SYNE1: variants seen among roughly 807,000 people sequenced by gnomAD.
SYNE1 encodes the protein nesprin-1.
In SYNE1, 616 loss-of-function variants were observed where a neutral mutation model predicts 1,111.0. The ratio of observed to expected loss-of-function variants is 0.55; its 90% CI spans 0.52 to 0.59. SYNE1 has a LOEUF of 0.59. Among genes scored for constraint, SYNE1 ranks in the 20% least tolerant of loss-of-function variants. The pLI is 0.00. For synonymous variants in SYNE1, 3,855 were observed against 3,825.8 expected (o/e 1.01, Z -0.28); for missense variants, 10,006 against 10,417.0 (o/e 0.96, Z 1.72).
intron 98 of SYNE1, among the ~76,000 whole-genome samples, chr6:152,269,740 A>G (rs548568404): frequency 6.6e-6 from 1 of 152,356 alleles, no homozygotes; most frequent in East Asian, 1.9e-4. Flanking sequence ...AGGTCCAGAC[A>G]ATGAAAGATT....
At chr6:152,610,783 A>G (rs938364832) in intron 3 of SYNE1, among the ~76,000 whole-genome samples, 9 of 152,220 alleles carry the variant, frequency 5.9e-5, no homozygotes, top group Non-Finnish European at 1.0e-4. Context: ...CCATCAGACT[A>G]ACAGTGGATC....
intron 128 of SYNE1, 122 bp downstream of exon 128, chr6:152,189,130 C>T (rs934711289): frequency 3.0e-6 from 3 of 1,002,212 alleles, no homozygotes; most frequent in Admixed American, 1.9e-5. Context: ...CCACAGTGTT[C>T]TTCCTTTGTC....
chr6:152,462,086 G>T (rs551878805), intron 20 of SYNE1, among the ~76,000 whole-genome samples: 2 of 117,286 alleles, frequency 1.7e-5, no homozygotes, highest in Admixed American at 7.7e-5. Context: ...AAATTAGACT[G>T]GTTTTCGTTA....
intron 95 of SYNE1, among the ~76,000 whole-genome samples, chr6:152,288,083 T>TTTAAA (rs1305033641): frequency 6.6e-6 from 1 of 152,112 alleles, no homozygotes; most frequent in Non-Finnish European, 1.5e-5. Flanking sequence ...TTGGTTTGAT[T>TTTAAA]TTAAATGCTC....
intron 67 of SYNE1, 36 bp downstream of exon 67, chr6:152,354,623 G>C: frequency 6.2e-7 from 1 of 1,610,080 alleles, no homozygotes; most frequent in South Asian, 1.1e-5. Context: ...GGTAACTGTA[G>C]CTTTGACAAA....
chr6:152,222,161 T>C (rs2080331639), intron 117 of SYNE1, among the ~76,000 whole-genome samples: 1 of 152,220 alleles, frequency 6.6e-6, no homozygotes, highest in Admixed American at 6.5e-5. Context: ...GATGCAGGGA[T>C]AGGGACTGCG....
chr6:152,326,437 T>A lies in SYNE1; in HGVS notation c.15152A>T (p.Glu5051Val). 1.9e-6 allele frequency: 3 copies of A among 1,614,202 alleles called. No homozygotes were observed. Among genetic ancestry groups the A allele is most frequent in the African/African-American group, 1.3e-5 (1 of 75,046 alleles). ...TEDQFHSNLE[E>V]LHSLVATLDP... is the part of the protein sequence containing the mutation. ...CAGGGTGGCTACCAGGCTGTGGAGCTCCTCCAGGTTACTATGGAACTGATC... is the reference window on the plus strand; with the variant it reads ...CAGGGTGGCTACCAGGCTGTGGAGCACCTCCAGGTTACTATGGAACTGATC... The change falls in exon 79 of 146, where the codon GAG becomes GTG. Residue 5051 changes from glutamate to valine, a missense_variant. By Grantham distance (121) the Glu-to-Val change is moderately radical (BLOSUM62 -2). Coordinates refer to ENST00000367255, the MANE Select transcript of SYNE1 (RefSeq NM_182961.4).
At chr6:152,581,317 C>T in intron 3 of SYNE1, among the ~76,000 whole-genome samples, 1 of 152,230 alleles carries the variant, frequency 6.6e-6, no homozygotes, top group East Asian at 1.9e-4. Flanking sequence ...CCACAACCTT[C>T]AGCCTGTACC....
At chr6:152,600,636 T>C (rs1176910313) in intron 3 of SYNE1, among the ~76,000 whole-genome samples, 1 of 152,198 alleles carries the variant, frequency 6.6e-6, no homozygotes, top group African/African-American at 2.4e-5. Flanking sequence ...TCTTAACTAA[T>C]GACAATCATT....
At chr6:152,497,508 C>G (rs917052185) in intron 11 of SYNE1, among the ~76,000 whole-genome samples, 1 of 152,180 alleles carries the variant, frequency 6.6e-6, no homozygotes, top group African/African-American at 2.4e-5. Context: ...ACCCATCTAA[C>G]AGTGAGCACA....
chr6:152,319,128 C>A, intron 84 of SYNE1, 113 bp from the exon 85 acceptor site: 1 of 1,398,822 alleles, frequency 7.1e-7, no homozygotes, highest in South Asian at 1.2e-5. Context: ...GGCATTGAAA[C>A]ACCTGGTCAC....
chr6:152,559,558 G>A (rs1297615416), intron 3 of SYNE1, among the ~76,000 whole-genome samples: 3 of 151,908 alleles, frequency 2.0e-5, no homozygotes, highest in African/African-American at 4.8e-5. Context: ...AAAAATAAAA[G>A]GGAAACCAAA....
In SYNE1 at chr6:152,310,482, G is replaced by C; in HGVS notation, c.16933C>G (p.Gln5645Glu). 2 of 1,614,090 alleles carry C rather than the reference G, an allele frequency of 1.2e-6. No individual in the cohort carries two copies. The highest frequency in any genetic ancestry group is 2.7e-5 in the African/African-American group (2 of 74,998). The change falls in exon 89 of 146, where the codon CAA (glutamine) becomes GAA (glutamate). Residue 5645 changes from glutamine to glutamate, a missense_variant. By Grantham distance (29) the Gln-to-Glu change is conservative. This residue lies in a region of SYNE1 where 4,955 missense variants were observed against 5,017.2 expected (regional missense o/e 0.99). Transcript: ENST00000367255. ...KKFEAELKKLQAALEQAQATL... is the reference protein window; with the variant it reads ...KKFEAELKKLEAALEQAQATL... ...GCCTGGGCTTGCTCCAAGGCAGCTT[G>C]TAACTTTTTCAACTCTGCTTCAAAT...
chr6:152,135,732 C>T (rs540947320), intron 141 of SYNE1, among the ~76,000 whole-genome samples: 8 of 152,260 alleles, frequency 5.3e-5, no homozygotes, highest in Non-Finnish European at 1.0e-4. Flanking sequence ...TTTAGGTACC[C>T]GCTTTCAAGG....
At chr6:152,524,364 A>G (rs545357353) in intron 5 of SYNE1, among the ~76,000 whole-genome samples, 4 of 152,274 alleles carry the variant, frequency 2.6e-5, no homozygotes, top group African/African-American at 7.2e-5. Context: ...TGACTTGCAT[A>G]TGTCAATAAA....
intron 58 of SYNE1, among the ~76,000 whole-genome samples, chr6:152,373,792 A>T (rs1295528896): frequency 1.3e-5 from 2 of 152,236 alleles, no homozygotes; most frequent in Non-Finnish European, 2.9e-5. Context: ...CCAAGGGAAG[A>T]TAAGAGCTGT....
At chr6:152,269,323 C>T in intron 98 of SYNE1, 37 bp from the exon 99 acceptor site, 1 of 1,613,472 alleles carries the variant, frequency 6.2e-7, no homozygotes, top group Non-Finnish European at 8.5e-7. Flanking sequence ...TCATGCTACA[C>T]ACCGGAAAAC....
At chr6:152,474,415 T>G (rs1044848770) in intron 14 of SYNE1, among the ~76,000 whole-genome samples, 1 of 151,768 alleles carries the variant, frequency 6.6e-6, no homozygotes, top group Admixed American at 6.6e-5. Flanking sequence ...CAGATTGTCC[T>G]GGGCAAATAT....
At chr6:152,183,942 T>C (rs2068897359) in intron 128 of SYNE1, among the ~76,000 whole-genome samples, 1 of 133,832 alleles carries the variant, frequency 7.5e-6, no homozygotes, top group Non-Finnish European at 1.7e-5. Context: ...AGTTCATCCA[T>C]CACTGACTAA....
Sources: gnomAD v4.1 joint callset for allele counts (sites outside exome capture counted in the v4.1 genomes callset) on GRCh38, gnomAD v4.1.1 for gene constraint, gnomAD v4.1.1 regional missense constraint, MANE v1.5 for transcripts, NCBI Gene and HGNC (gene_info 2026-07-23, HGNC 2026-07-21) for gene names.